SLC39A5: variants seen among roughly 807,000 people sequenced by gnomAD.
SLC39A5 encodes the protein solute carrier family 39 member 5, also known as zinc transporter ZIP5.
A neutral mutation model predicts 46.9 loss-of-function variants in SLC39A5; 42 were observed. The ratio of observed to expected loss-of-function variants is 0.90; its 90% CI spans 0.70 to 1.16. The LOEUF (loss-of-function observed/expected upper bound fraction) is 1.16. SLC39A5 is among the 50% of genes most tolerant of loss of function. The pLI, the probability that SLC39A5 is intolerant of heterozygous loss-of-function variation, is 0.00. For missense variants in SLC39A5, 677 were observed against 686.8 expected, an observed-to-expected ratio of 0.99 and a Z score of 0.16; for synonymous variants, 311 against 323.1, an observed-to-expected ratio of 0.96 and a Z score of 0.40.
Position 56,237,260 on chromosome 12 carries a change from A to C in SLC39A5, c.1399A>C (p.Ser467Arg). 1 of 1,613,904 alleles carries C rather than the reference A, an allele frequency of 6.2e-7. No homozygotes were observed. ...GGGTGCAGTCCTGGGGGTGGGGCTCAGCCTGGGCCCTGTCCCCCTCACTCC... is the reference window on the plus strand; with the variant it reads ...GGGTGCAGTCCTGGGGGTGGGGCTCCGCCTGGGCCCTGTCCCCCTCACTCC... ...LGGAVLGVGL[S>R]LGPVPLTPWV... Residue 467 changes from serine to arginine, a missense_variant, in exon 12 of 13, where the codon AGC becomes CGC. By Grantham distance (110) the Ser-to-Arg change is moderately radical. Transcript: ENST00000454355.
intron 11 of SLC39A5, 54 bp from the exon 12 acceptor site, chr12:56,237,096 G>C (rs1485980288): frequency 1.2e-5 from 20 of 1,611,866 alleles, no homozygotes; most frequent in Non-Finnish European, 1.4e-5. Flanking sequence ...TGGGTGGCAT[G>C]GATGAGGGGC....
rs150400071 is a variant in SLC39A5 at position 56,237,189 on chromosome 12, G to C, written c.1328G>C (p.Arg443Pro). The C allele has an allele frequency of 3.7e-6, 6 of 1,613,576 alleles. No homozygotes were observed. The highest frequency in any genetic ancestry group is 4.2e-6 in the Non-Finnish European group (5 of 1,180,018). The change falls in exon 12 of 13, where the codon CGG becomes CCG. Residue 443 changes from arginine (R) to proline (P), a missense_variant. Coordinates refer to ENST00000454355, the MANE Select transcript of SLC39A5 (RefSeq NM_173596.3). The part of the protein sequence containing the change: ...AMLLQSGLSF[R>P]RLLLLSLVSG... ...CTGCTCCAGTCAGGGCTGTCCTTTCGGCGGCTGCTGCTGCTGAGCCTCGTG... is the reference window on the plus strand; with the variant it reads ...CTGCTCCAGTCAGGGCTGTCCTTTCCGCGGCTGCTGCTGCTGAGCCTCGTG...
intron 7 of SLC39A5, 66 bp from the exon 8 acceptor site, chr12:56,235,494 T>A (rs1203815580): frequency 1.7e-5 from 27 of 1,564,630 alleles, no homozygotes; most frequent in Non-Finnish European, 2.3e-5. Flanking sequence ...CTTGCCACAA[T>A]CCATGCAAGG....
In SLC39A5 at chr12:56,237,008, C is replaced by T. The variant is rs1284395502; in HGVS notation, c.1285C>T (p.Leu429=). Reference sequence around the variant, plus strand: ...CTTCTGCCATGAGCTGCCCCACGAACTGGGTAGGAATGGCAGGAGCAGGGT... The same window carrying T: ...CTTCTGCCATGAGCTGCCCCACGAATTGGGTAGGAATGGCAGGAGCAGGGT... The part of the protein sequence containing the change: ...AVFCHELPHE[L]GDFAMLLQSG... Residue 429 remains leucine (L), a synonymous_variant, in exon 11 of 13, where the codon CTG becomes TTG. Transcript: ENST00000454355. The T allele has an allele frequency of 1.2e-6, 2 of 1,613,958 alleles. No individual in the cohort carries two copies. Among genetic ancestry groups the T allele is most frequent in the African/African-American group, 2.7e-5 (2 of 74,914 alleles).
intron 8 of SLC39A5, among the ~76,000 whole-genome samples, chr12:56,236,139 C>T (rs1343177634): frequency 6.6e-6 from 1 of 152,192 alleles, no homozygotes; most frequent in Admixed American, 6.5e-5. Flanking sequence ...GTGTGCAGGA[C>T]CTATCGGCTA....
chr12:56,233,263 T>TC (rs1870408228), intron 5 of SLC39A5, among the ~76,000 whole-genome samples: 3 of 50,494 alleles, frequency 5.9e-5, no homozygotes, highest in Admixed American at 6.4e-4. Flanking sequence ...AGACTCTGTC[T>TC]CAAAAAAAAA....
At chr12:56,232,470 G>A (rs1023608833) in intron 4 of SLC39A5, among the ~76,000 whole-genome samples, 2 of 151,980 alleles carry the variant, frequency 1.3e-5, no homozygotes, top group Non-Finnish European at 2.9e-5. Context: ...CCAGCCATTC[G>A]TAGCCCTTTT....
chr12:56,234,328 T>A (rs112140380), intron 5 of SLC39A5, among the ~76,000 whole-genome samples: 4 of 150,906 alleles, frequency 2.7e-5, no homozygotes, highest in African/African-American at 7.3e-5. Context: ...TTTTTTTTTT[T>A]TTTTGAGATG....
chr12:56,235,737 CAG>C (rs1298355084), intron 8 of SLC39A5, 37 bp downstream of exon 8: 1 of 1,611,950 alleles, frequency 6.2e-7, no homozygotes, highest in African/African-American at 1.3e-5. Flanking sequence ...CTGCTGAGAC[CAG>C]AGTCCCAGTC....
chr12:56,237,607 C>T lies in SLC39A5; in HGVS notation c.1499C>T (p.Pro500Leu). 3 of 1,613,748 alleles carry T rather than the reference C, an allele frequency of 1.9e-6. No homozygotes were observed. Among genetic ancestry groups the T allele is most frequent in the Non-Finnish European group, 1.7e-6 (2 of 1,179,924 alleles). The change falls in exon 13 of 13, where the codon CCT becomes CTT. Residue 500 changes from proline (P) to leucine (L), a missense_variant. Pro to Leu is a moderately conservative substitution (Grantham distance 98). Coordinates refer to ENST00000454355, the MANE Select transcript of SLC39A5 (RefSeq NM_173596.3). Reference sequence around the variant, plus strand: ...TTTCAGCTACCAGCCCTGCTTCGTCCTCCGGAGCCCCTGCCTACGCCCCAT... The same window carrying T: ...TTTCAGCTACCAGCCCTGCTTCGTCTTCCGGAGCCCCTGCCTACGCCCCAT... Reference protein sequence around the residue: ...LVDMLPALLRPPEPLPTPHVL... With the variant: ...LVDMLPALLRLPEPLPTPHVL...
rs748747916 is a variant in SLC39A5 at position 56,236,952 on chromosome 12, T to A, written c.1229T>A (p.Phe410Tyr). The A allele has an allele frequency of 6.2e-7, 1 of 1,614,100 alleles. No individual in the cohort carries two copies. The highest frequency in any genetic ancestry group is 1.1e-5 in the South Asian group (1 of 91,078). ...LAIGAAFSDG[F>Y]SSGLSTTLAV... Reference sequence around the variant, plus strand: ...CCAGGTGCTGCCTTCTCTGATGGCTTCTCCAGCGGCCTCAGTACCACCTTA... The same window carrying A: ...CCAGGTGCTGCCTTCTCTGATGGCTACTCCAGCGGCCTCAGTACCACCTTA... Residue 410 changes from phenylalanine (F) to tyrosine (Y), a missense_variant, in exon 11 of 13, where the codon TTC (phenylalanine) becomes TAC (tyrosine). Phe to Tyr is a conservative substitution (Grantham distance 22, BLOSUM62 3). Coordinates refer to ENST00000454355, the MANE Select transcript of SLC39A5 (RefSeq NM_173596.3).
At position 56,236,432 on chromosome 12, in the gene SLC39A5, C is replaced by G. The variant is rs150662274; in HGVS notation, c.982C>G (p.Arg328Gly). The G allele has an allele frequency of 1.9e-6, 3 of 1,614,264 alleles. No homozygotes were observed. In the Middle Eastern group the frequency reaches 4.9e-4, roughly 266 times the overall value. ...CRRKRRNLET[R>G]NLDPENGSGM... ...GCGAAAACGAAGGAATCTCGAAACACGCAACTTGGATCCGGAGAATGGCAG... is the reference window on the plus strand; with the variant it reads ...GCGAAAACGAAGGAATCTCGAAACAGGCAACTTGGATCCGGAGAATGGCAG... The change falls in exon 9 of 13, where the codon CGC becomes GGC. Residue 328 changes from arginine to glycine, a missense_variant. Physicochemically the swap from Arg to Gly is moderately radical, Grantham distance 125. Transcript: ENST00000454355.
chr12:56,237,316 CCT>C lies in SLC39A5; in HGVS notation c.1458_1459del (p.Tyr487CysfsTer52). 6.2e-7 allele frequency: 1 copy of C among 1,604,924 alleles called. No individual in the cohort carries two copies. The highest frequency in any genetic ancestry group is 8.5e-7 in the Non-Finnish European group (1 of 1,175,304). On this transcript the variant is annotated frameshift_variant, in exon 12 of 13. Coordinates refer to ENST00000454355, the MANE Select transcript of SLC39A5 (RefSeq NM_173596.3). LOFTEE classifies it high-confidence loss of function. The stretch of plus-strand genomic sequence containing the variant: ...TGTTTGGGGTCACTGCTGGGGTCTT[CCT>C]CTATGTGGCCCTTGTGGACATGGTG... ...WVFGVTAGVF[L>X]YVALVDMLPA...
Position 56,236,508 on chromosome 12 carries a change from A to C in SLC39A5, c.1042+16A>C. On this transcript the variant is annotated intron_variant, in intron 9 of 12. Coordinates refer to ENST00000454355, the MANE Select transcript of SLC39A5 (RefSeq NM_173596.3). ...GCAGCTCCAGGTGACTAGAGGAGAA[A>C]ATTTGAAGAGTAGGTTCCAAGCTCA... 6.2e-7 allele frequency: 1 copy of C among 1,614,186 alleles called. No individual in the cohort carries two copies. Among genetic ancestry groups the C allele is most frequent in the Non-Finnish European group, 8.5e-7 (1 of 1,180,032 alleles).
chr12:56,236,588 G>A lies in SLC39A5; in HGVS notation c.1049G>A (p.Gly350Glu). The change falls in exon 10 of 13, where the codon GGG (glycine) becomes GAG (glutamate). Residue 350 changes from glycine to glutamate, a missense_variant. By Grantham distance (98) the Gly-to-Glu change is moderately conservative. Transcript: ENST00000454355. Reference sequence around the variant, plus strand: ...CCTGTGCTTCTTCCCGCAGAGCCAGGGGCTCAGGGCCAGAGGGAGAAGAAC... The same window carrying A: ...CCTGTGCTTCTTCCCGCAGAGCCAGAGGCTCAGGGCCAGAGGGAGAAGAAC... Reference protein sequence around the residue: ...LQPLQAAPEPGAQGQREKNSQ... With the variant: ...LQPLQAAPEPEAQGQREKNSQ... 3.1e-6 allele frequency: 5 copies of A among 1,612,784 alleles called. No homozygotes were observed. The highest frequency in any genetic ancestry group is 4.2e-6 in the Non-Finnish European group (5 of 1,179,046).
At chr12:56,232,322 C>T (rs1352127924) in intron 4 of SLC39A5, among the ~76,000 whole-genome samples, 3 of 151,786 alleles carry the variant, frequency 2.0e-5, no homozygotes, top group South Asian at 2.1e-4. Context: ...CACACCACCA[C>T]GCCGGGCTAA....
At chr12:56,235,814 G>T in intron 8 of SLC39A5, 114 bp downstream of exon 8, 4 of 1,396,164 alleles carry the variant, frequency 2.9e-6, no homozygotes, top group Non-Finnish European at 4.0e-6. Context: ...GGAGCCCAAG[G>T]CGGGCAGATC....
chr12:56,236,876 G>A, intron 10 of SLC39A5, 55 bp from the exon 11 acceptor site: 1 of 1,608,382 alleles, frequency 6.2e-7, no homozygotes, highest in Admixed American at 1.7e-5. Flanking sequence ...ACAGGAACCT[G>A]CTTCTGAGGA....
At chr12:56,233,226 T>C (rs1870400304) in intron 5 of SLC39A5, among the ~76,000 whole-genome samples, 1 of 132,558 alleles carries the variant, frequency 7.5e-6, no homozygotes, top group Non-Finnish European at 1.5e-5. Context: ...TGGCACCATT[T>C]GCACTCCAGC....
Sources: gnomAD v4.1 joint callset for allele counts (sites outside exome capture counted in the v4.1 genomes callset) on GRCh38, gnomAD v4.1.1 for gene constraint, MANE v1.5 for transcripts, NCBI Gene and HGNC (gene_info 2026-07-23, HGNC 2026-07-21) for gene names.